Variants in LTBP3 observed in about 807,000 individuals in gnomAD.
LTBP3 encodes the protein latent-transforming growth factor beta-binding protein 3.
A neutral mutation model predicts 159.7 loss-of-function variants in LTBP3; 97 were observed. The observed-to-expected ratio is 0.61, with a 90% CI of 0.52 to 0.72. The LOEUF is 0.72. Ranked by LOEUF, LTBP3 falls within the 30% of genes least tolerant of loss-of-function variation. The pLI, the probability that LTBP3 is intolerant of heterozygous loss-of-function variation, is 0.00. For synonymous variants in LTBP3, 824 were observed against 777.1 expected, an observed-to-expected ratio of 1.06 and a Z score of -1.00; for missense variants, 1,584 against 1,864.3, an observed-to-expected ratio of 0.85 and a Z score of 2.77.
rs78463658 is a variant in LTBP3, at chr11:65,546,290, C to A, written c.2353+152G>T. 7.6e-6 allele frequency: 8 copies of A among 1,050,806 alleles called. No homozygotes were observed. In the East Asian group the frequency reaches 2.0e-4, roughly 26 times the overall value. 65.1% of individuals were successfully genotyped at this position (1,050,806 alleles called of 1,614,324 possible). ...ACGTGGAAATTCTAGTGGTGCCTTC[C>A]TTGGCAAAGTTCGTTGAGAAAATGA... On this transcript the variant is annotated intron_variant, in intron 16 of 27. Coordinates refer to ENST00000301873, the MANE Select transcript of LTBP3 (RefSeq NM_001130144.3). This position sits in a 1 kb window ranked among gnomAD's most constrained non-coding sequence, Gnocchi z 4.0.
rs370546045 is a variant in LTBP3 at position 65,547,900 on chromosome 11, G to A, written c.1846+20C>T. The A allele has an allele frequency of 1.2e-6, 2 of 1,613,338 alleles. No individual in the cohort carries two copies. Among genetic ancestry groups the A allele is most frequent in the Middle Eastern group, 1.7e-4 (1 of 6,060 alleles). On this transcript the variant is annotated intron_variant, in intron 12 of 27. Transcript: ENST00000301873. The surrounding 1 kb of genome is among the most constrained non-coding windows in gnomAD (Gnocchi z 4.6). ...TCCCCCCCCACCCACCTGCATGCCC[G>A]CCGCCTGCCCTGCGCTCACCCACGC...
chr11:65,557,885 C>CA lies in LTBP3; in HGVS notation c.74_75insT (p.Leu26AlafsTer168). The CA allele has an allele frequency of 7.7e-7, 1 of 1,303,374 alleles. No individual in the cohort carries two copies. Among genetic ancestry groups the CA allele is most frequent in the Non-Finnish European group, 9.8e-7 (1 of 1,016,442 alleles). The allele number at this position is 1,303,374 out of a possible 1,614,324, so 80.7% of individuals were successfully genotyped here. ...GCAGCAGCAGCAGCAGCAGCAGCAG[C>CA]GCCAGCAGCCCCGCCGCCCCCGCCC... On this transcript the variant is annotated frameshift_variant, in exon 1 of 28. Coordinates refer to ENST00000301873, the MANE Select transcript of LTBP3 (RefSeq NM_001130144.3). LOFTEE classifies it high-confidence loss of function.
Position 65,546,799 on chromosome 11 carries a change from G to T in LTBP3, c.2229C>A (p.Arg743=). The T allele has an allele frequency of 6.6e-7, 1 of 1,508,060 alleles. No homozygotes were observed. 93.4% of individuals were successfully genotyped at this position (1,508,060 alleles called of 1,614,324 possible). The stretch of plus-strand genomic sequence containing the variant: ...CTCGGCTCCGGGCCCCGCCCTCACC[G>T]CGACAGGCCCCGCCCCCCTGGCTGC... The part of the protein sequence containing the change: ...GYRSQGGGAC[R]DVNECAEGSP... Residue 743 remains arginine, a splice_region_variant and synonymous_variant, in exon 15 of 28, where the codon CGC becomes CGA. Coordinates refer to ENST00000301873, the MANE Select transcript of LTBP3 (RefSeq NM_001130144.3). The surrounding 1 kb of genome is among the most constrained non-coding windows in gnomAD (Gnocchi z 4.0).
chr11:65,540,731 C>CTACAGGAGGGGCGGGGCA, intron 21 of LTBP3, 117 bp from the exon 22 acceptor site: 1 of 1,529,384 alleles, frequency 6.5e-7, no homozygotes, highest in Non-Finnish European at 8.9e-7. Flanking sequence ...GGGGCGGGGC[C>CTACAGGAGGGGCGGGGCA]TACAGGGCGG....
chr11:65,552,419 G>C lies in LTBP3; in HGVS notation c.1187-13C>G, dbSNP rs1489504044. ...TCCGGTTTGTCTGCTGCAGGGGCCA[G>C]TGGGGGGCATGGGCATCTGAGCCTG... On this transcript the variant is annotated splice_polypyrimidine_tract_variant and intron_variant, in intron 6 of 27. Transcript: ENST00000301873. This position sits in a 1 kb window ranked among gnomAD's most constrained non-coding sequence, Gnocchi z 6.0. 1 of 1,611,918 alleles carries C rather than the reference G, an allele frequency of 6.2e-7. No individual in the cohort carries two copies. Among genetic ancestry groups the C allele is most frequent in the East Asian group, 2.2e-5 (1 of 44,880 alleles).
intron 21 of LTBP3, 59 bp from the exon 22 acceptor site, chr11:65,540,673 C>T: frequency 6.5e-7 from 1 of 1,529,136 alleles, no homozygotes; most frequent in South Asian, 1.2e-5. Context: ...GAGGCGTGGG[C>T]TGGGCGCACC....
rs773791660 is a variant in LTBP3 at position 65,540,569 on chromosome 11, C to T, written c.3023G>A (p.Gly1008Asp). Residue 1008 changes from glycine to aspartate, a missense_variant, in exon 22 of 28, where the codon GGC (glycine) becomes GAC (aspartate). Transcript: ENST00000301873. Reference sequence around the variant, plus strand: ...GCCAGGCTGCGTGTTCACGCACTTGCCCTCCTTGCAAATCTCCGACCCGAA... The same window carrying T: ...GCCAGGCTGCGTGTTCACGCACTTGTCCTCCTTGCAAATCTCCGACCCGAA... ...MLFGSEICKE[G>D]KCVNTQPGYE... 2 of 1,613,882 alleles carry T rather than the reference C, an allele frequency of 1.2e-6. No homozygotes were observed. The highest frequency in any genetic ancestry group is 1.1e-5 in the South Asian group (1 of 91,086).
rs1856410836 is a variant in LTBP3, at chr11:65,547,242, G to T, written c.2107+197C>A. Among the ~76,000 whole-genome samples, 1 of 152,140 alleles carries T rather than the reference G, an allele frequency of 6.6e-6. No homozygotes were observed. Among genetic ancestry groups the T allele is most frequent in the African/African-American group, 2.4e-5 (1 of 41,440 alleles). On this transcript the variant is annotated intron_variant, in intron 14 of 27. Coordinates refer to ENST00000301873, the MANE Select transcript of LTBP3 (RefSeq NM_001130144.3). The surrounding 1 kb of genome is among the most constrained non-coding windows in gnomAD (Gnocchi z 4.6). ...GCCCGTAATCCCAGCTACTCGGGAG[G>T]CTGAGGCAGGAGAATCGCTTGAACC...
chr11:65,554,009 C>T lies in LTBP3; in HGVS notation c.661+42G>A. Reference sequence around the variant, plus strand: ...GCCCTGCCCTGGCCACCCTAGTGCCCACCCACTGGCGACCTTCCCGGGTTT... The same window carrying T: ...GCCCTGCCCTGGCCACCCTAGTGCCTACCCACTGGCGACCTTCCCGGGTTT... On this transcript the variant is annotated intron_variant, in intron 2 of 27. Transcript: ENST00000301873. The surrounding 1 kb of genome is among the most constrained non-coding windows in gnomAD (Gnocchi z 5.3). The T allele has an allele frequency of 6.3e-7, 1 of 1,594,462 alleles. No individual in the cohort carries two copies. Among genetic ancestry groups the T allele is most frequent in the Non-Finnish European group, 8.5e-7 (1 of 1,175,762 alleles).
chr11:65,557,811 C>T lies in LTBP3; in HGVS notation c.149G>A (p.Gly50Asp). 6.6e-7 allele frequency: 1 copy of T among 1,504,760 alleles called. No homozygotes were observed. The highest frequency in any genetic ancestry group is 8.8e-7 in the Non-Finnish European group (1 of 1,131,100). The allele number at this position is 1,504,760 out of a possible 1,614,324, so 93.2% of individuals were successfully genotyped here. Reference sequence around the variant, plus strand: ...GGCCAGCGCCCCGCCCCCGCCTGCGCCCCGCTCGCCGGCCGGCCCCCCCTC... The same window carrying T: ...GGCCAGCGCCCCGCCCCCGCCTGCGTCCCGCTCGCCGGCCGGCCCCCCCTC... The part of the protein sequence containing the change: ...RVEGGPAGER[G>D]AGGGGALARE... The change falls in exon 1 of 28, where the codon GGC (glycine) becomes GAC (aspartate). Residue 50 changes from glycine (G) to aspartate (D), a missense_variant. Transcript: ENST00000301873.
chr11:65,539,956 G>A (rs909513638), intron 24 of LTBP3, 57 bp downstream of exon 24: 3 of 1,458,030 alleles, frequency 2.1e-6, no homozygotes, highest in Non-Finnish European at 2.7e-6. Context: ...CCACCTGCGC[G>A]GGGGCCACGT....
Position 65,543,230 on chromosome 11 carries a change from G to C in LTBP3, c.2477-6C>G. ...GAAGTCACACTCATCAATGTCTGTAGGGGATGGAAGGGGTGGAGAATCTCA... is the reference window on the plus strand; with the variant it reads ...GAAGTCACACTCATCAATGTCTGTACGGGATGGAAGGGGTGGAGAATCTCA... On this transcript the variant is annotated splice_region_variant and splice_polypyrimidine_tract_variant and intron_variant, in intron 17 of 27. Transcript: ENST00000301873. The C allele has an allele frequency of 6.2e-7, 1 of 1,614,086 alleles. No homozygotes were observed. The highest frequency in any genetic ancestry group is 8.5e-7 in the Non-Finnish European group (1 of 1,179,988).
At chr11:65,548,163 T>C in intron 11 of LTBP3, 118 bp from the exon 12 acceptor site, 1 of 1,439,764 alleles carries the variant, frequency 6.9e-7, no homozygotes, top group Non-Finnish European at 9.7e-7. Flanking sequence ...ACGCCCATAC[T>C]CCAACTCCAG....
Position 65,553,275 on chromosome 11 carries a change from TTG to T in LTBP3, c.971-21_971-20del. On this transcript the variant is annotated intron_variant, in intron 4 of 27. Transcript: ENST00000301873. The surrounding 1 kb of genome is among the most constrained non-coding windows in gnomAD (Gnocchi z 6.5). ...CCTGTGTCTGCAGAGAGAGGATAGC[TTG>T]GCAGGGGAGGGTGAGGAGGGAACTG... The T allele has an allele frequency of 1.3e-6, 2 of 1,591,802 alleles. No homozygotes were observed. Among genetic ancestry groups the T allele is most frequent in the South Asian group, 2.2e-5 (2 of 90,584 alleles).
At chr11:65,550,220 T>A (rs1034129621) in intron 11 of LTBP3, among the ~76,000 whole-genome samples, 1 of 151,718 alleles carries the variant, frequency 6.6e-6, no homozygotes, top group Non-Finnish European at 1.5e-5. Flanking sequence ...CCATCCTGAT[T>A]AACATGGTGA....
intron 21 of LTBP3, 57 bp downstream of exon 21, chr11:65,540,814 G>C (rs1202641036): frequency 6.4e-7 from 1 of 1,562,440 alleles, no homozygotes; most frequent in African/African-American, 1.3e-5. Context: ...GCGGGATCCG[G>C]GCGAGCCCAA....
Position 65,543,169 on chromosome 11 carries a change from G to C in LTBP3, c.2532C>G (p.Thr844=). Residue 844 remains threonine, a synonymous_variant, in exon 18 of 28, where the codon ACC becomes ACG. Coordinates refer to ENST00000301873, the MANE Select transcript of LTBP3 (RefSeq NM_001130144.3). ...GGCAAAGACATCTGTAGGAGCCATT[G>C]GTATTGATGCAGTCACCCCCAATGC... ...AACIGGDCIN[T]NGSYRCLCPQ... is the part of the protein sequence containing the mutation. 1 of 1,614,134 alleles carries C rather than the reference G, an allele frequency of 6.2e-7. No homozygotes were observed. Among genetic ancestry groups the C allele is most frequent in the Admixed American group, 1.7e-5 (1 of 60,022 alleles).
In LTBP3 at chr11:65,538,821, A is replaced by T; in HGVS notation, c.*259T>A. The T allele has an allele frequency of 1.2e-6, 1 of 822,494 alleles. No individual in the cohort carries two copies. The allele number at this position is 822,494 out of a possible 1,614,324, so 50.9% of individuals were successfully genotyped here. A position where few individuals can be genotyped will look rare whatever the true frequency, so the allele number is the denominator to read the frequency against. On this transcript the variant is annotated 3_prime_UTR_variant, in exon 28 of 28. Transcript: ENST00000301873. ...AATTTGCTTCGAAAGCCAAGGGTAAAGAGGCACGATCTGATTTATCAGTTT... is the reference window on the plus strand; with the variant it reads ...AATTTGCTTCGAAAGCCAAGGGTAATGAGGCACGATCTGATTTATCAGTTT...
Position 65,554,122 on chromosome 11 carries a change from G to C in LTBP3, c.590C>G (p.Pro197Arg), listed in dbSNP as rs774109720. 1 of 1,611,280 alleles carries C rather than the reference G, an allele frequency of 6.2e-7. No homozygotes were observed. Among genetic ancestry groups the C allele is most frequent in the Non-Finnish European group, 8.5e-7 (1 of 1,179,560 alleles). ...GTGCTGGGCAGGAGGCCCCTCCCCG[G>C]GCCCAGGAGGGTCAGCGATCACCTG... ...AVQVIADPPG[P>R]GEGPPAQHAA... Residue 197 changes from proline (P) to arginine (R), a missense_variant, in exon 2 of 28, where the codon CCC becomes CGC. Coordinates refer to ENST00000301873, the MANE Select transcript of LTBP3 (RefSeq NM_001130144.3). This position sits in a 1 kb window ranked among gnomAD's most constrained non-coding sequence, Gnocchi z 5.3.
Sources: gnomAD v4.1 joint callset for allele counts (sites outside exome capture counted in the v4.1 genomes callset) on GRCh38, gnomAD v4.1.1 for gene constraint, Gnocchi (gnomAD v3.1) non-coding constraint, MANE v1.5 for transcripts, NCBI Gene and HGNC (gene_info 2026-07-23, HGNC 2026-07-21) for gene names.